ASPHD1: variants seen among roughly 807,000 people sequenced by gnomAD.
ASPHD1 encodes aspartate beta-hydroxylase domain containing 1, also known as aspartate beta-hydroxylase domain-containing protein 1.
A neutral mutation model predicts 28.3 loss-of-function variants in ASPHD1; 20 were observed. The ratio of observed to expected loss-of-function variants is 0.71; its 90% CI spans 0.50 to 1.03. The LOEUF (loss-of-function observed/expected upper bound fraction) is 1.03, where lower values mean the gene tolerates loss of function less well. Ranked by LOEUF, ASPHD1 falls within the 50% of genes least tolerant of loss-of-function variation. The probability of loss-of-function intolerance (pLI) is 0.00; values close to 1 mark genes in which losing one functional copy is unlikely to be tolerated. For missense variants in ASPHD1, 479 were observed against 524.1 expected, an observed-to-expected ratio of 0.91 and a Z score of 0.84; for synonymous variants, 240 against 221.2, an observed-to-expected ratio of 1.08 and a Z score of -0.75.
At chr16:29,903,562 A>G (rs564146413) in intron 1 of ASPHD1, among the ~76,000 whole-genome samples, 20 of 152,154 alleles carry the variant, frequency 1.3e-4, no homozygotes, top group African/African-American at 2.2e-4. Flanking sequence ...TTTGCCCCCA[A>G]TCATCTCCTG....
At chr16:29,908,298 C>T (rs1030009707), downstream of ASPHD1, among the ~76,000 whole-genome samples, 1 of 152,142 alleles carries the variant, frequency 6.6e-6, no homozygotes, top group African/African-American at 2.4e-5. Flanking sequence ...GGGATGAAGT[C>T]GAAGAGGTGA....
At chr16:29,918,204 T>A (rs1278838954) in intron 3 of ASPHD1, among the ~76,000 whole-genome samples, 1 of 152,246 alleles carries the variant, frequency 6.6e-6, no homozygotes, top group East Asian at 1.9e-4. Flanking sequence ...TATCAATTTG[T>A]GTGTCATTGA....
chr16:29,903,515 G>A (rs1333081099), intron 1 of ASPHD1, among the ~76,000 whole-genome samples: 1 of 151,974 alleles, frequency 6.6e-6, no homozygotes, highest in African/African-American at 2.4e-5. Flanking sequence ...AAATGGAAAA[G>A]GAAATAATTT....
In ASPHD1 at chr16:29,905,019, G is replaced by C. The variant is rs982019702; in HGVS notation, c.1063+54G>C. The C allele has an allele frequency of 3.7e-6, 5 of 1,365,272 alleles. No homozygotes were observed. In the South Asian group the frequency reaches 5.9e-5, roughly 16 times the overall value. The allele number at this position is 1,365,272 out of a possible 1,614,324, so 84.6% of individuals were successfully genotyped here. On this transcript the variant is annotated intron_variant, in intron 2 of 2. Transcript: ENST00000308748. Reference sequence around the variant, plus strand: ...ATGAGGGACTCAGGAGCAAAGGAGCGTTGACTAGAAGGCAGCAGAATCAGG... The same window carrying C: ...ATGAGGGACTCAGGAGCAAAGGAGCCTTGACTAGAAGGCAGCAGAATCAGG...
chr16:29,904,282 C>T (rs2068580024), intron 1 of ASPHD1, among the ~76,000 whole-genome samples: 1 of 151,842 alleles, frequency 6.6e-6, no homozygotes, highest in Admixed American at 6.6e-5. Flanking sequence ...CCCATCTCTA[C>T]TAAAAATACA....
chr16:29,903,104 C>A (rs1021513694), intron 1 of ASPHD1, among the ~76,000 whole-genome samples: 1 of 150,944 alleles, frequency 6.6e-6, no homozygotes, highest in Admixed American at 6.6e-5. Context: ...GCCTGTAATC[C>A]CAGCACTTTG....
intron 3 of ASPHD1, chr16:29,915,132 G>A (rs1479586570): frequency 6.6e-6 from 1 of 152,200 alleles, no homozygotes; most frequent in Admixed American, 6.6e-5. Context: ...CTCTCCCTGA[G>A]TCGTCCCACC....
Position 29,900,932 on chromosome 16 carries a change from G to T in ASPHD1, c.-40G>T, listed in dbSNP as rs1412755624. ...AGGAGGAAGAAGAGGTAGAAGGAGA[G>T]AGAAAGGGGAGAGAAAGGAGAGAGG... On this transcript the variant is annotated 5_prime_UTR_variant, in exon 1 of 3. Coordinates refer to ENST00000308748, the MANE Select transcript of ASPHD1 (RefSeq NM_181718.4). The T allele has an allele frequency of 6.5e-7, 1 of 1,529,502 alleles. No homozygotes were observed. The highest frequency in any genetic ancestry group is 8.9e-7 in the Non-Finnish European group (1 of 1,129,046). The allele number at this position is 1,529,502 out of a possible 1,614,324, so 94.7% of individuals were successfully genotyped here.
downstream of ASPHD1, among the ~76,000 whole-genome samples, chr16:29,909,915 C>T (rs2068676192): frequency 6.6e-6 from 1 of 151,644 alleles, no homozygotes. Context: ...AGAGACTTCT[C>T]TACTACATTT....
intron 1 of ASPHD1, among the ~76,000 whole-genome samples, chr16:29,902,386 G>A (rs1397182435): frequency 1.3e-5 from 2 of 152,166 alleles, no homozygotes; most frequent in Non-Finnish European, 2.9e-5. Flanking sequence ...CTGAGATTGT[G>A]CTACTGCACT....
At chr16:29,907,395 G>C (rs1408273995), downstream of ASPHD1, among the ~76,000 whole-genome samples, 1 of 152,190 alleles carries the variant, frequency 6.6e-6, no homozygotes, top group Non-Finnish European at 1.5e-5. Context: ...ACTGCACCAG[G>C]TATTGTTCTA....
At chr16:29,905,018 C>A in intron 2 of ASPHD1, 53 bp downstream of exon 2, 2 of 1,367,252 alleles carry the variant, frequency 1.5e-6, no homozygotes, top group Admixed American at 1.8e-5. Context: ...AGCAAAGGAG[C>A]GTTGACTAGA....
chr16:29,911,171 G>A, intron 3 of ASPHD1: 3 of 1,613,822 alleles, frequency 1.9e-6, no homozygotes, highest in Middle Eastern at 1.7e-4. Context: ...GTCATCTGAA[G>A]TGCTGGGGAC....
downstream of ASPHD1, chr16:29,911,048 C>T (rs1438924885): frequency 6.2e-6 from 10 of 1,614,038 alleles, no homozygotes; most frequent in African/African-American, 2.7e-5. Context: ...GCGGCCCTGC[C>T]CGTAGAAAGA....
intron 1 of ASPHD1, among the ~76,000 whole-genome samples, chr16:29,902,900 T>G (rs2068567181): frequency 6.8e-6 from 1 of 146,878 alleles, no homozygotes; most frequent in South Asian, 2.1e-4. Flanking sequence ...TTTTTTTTTT[T>G]TTTTTGAGAC....
intron 1 of ASPHD1, among the ~76,000 whole-genome samples, chr16:29,903,865 C>T (rs1039609532): frequency 1.2e-4 from 18 of 152,254 alleles, no homozygotes; most frequent in Non-Finnish European, 2.5e-4. Flanking sequence ...TCACAGCACT[C>T]AGCCATGTGG....
In ASPHD1 at chr16:29,905,979, T is replaced by A; in HGVS notation, c.*82T>A. 4 of 734,730 alleles carry A rather than the reference T, an allele frequency of 5.4e-6. No homozygotes were observed. Among genetic ancestry groups the A allele is most frequent in the Non-Finnish European group, 8.8e-6 (4 of 452,662 alleles). The allele number at this position is 734,730 out of a possible 1,614,324, so 45.5% of individuals were successfully genotyped here. A position where few individuals can be genotyped will look rare whatever the true frequency, so the allele number is the denominator to read the frequency against. On this transcript the variant is annotated 3_prime_UTR_variant, in exon 3 of 3. Transcript: ENST00000308748. ...TTGATGGTAGCCAGGACCTCCTCTC[T>A]ACTGCGGGGGTGGGCGGGGGCGGAG...
At chr16:29,911,542 A>T in intron 3 of ASPHD1, 1 of 585,896 alleles carries the variant, frequency 1.7e-6, no homozygotes, top group Admixed American at 3.1e-5. Context: ...CTCAAGGGGG[A>T]GGACTCTGCC....
At chr16:29,919,486 C>T (rs369517897) in intron 3 of ASPHD1, 49 of 152,260 alleles carry the variant, frequency 3.2e-4, no homozygotes, top group African/African-American at 1.1e-3. Context: ...AACATTATTA[C>T]ATGAAACTAT....
Sources: gnomAD v4.1 joint callset for allele counts (sites outside exome capture counted in the v4.1 genomes callset) on GRCh38, gnomAD v4.1.1 for gene constraint, MANE v1.5 for transcripts, NCBI Gene and HGNC (gene_info 2026-07-23, HGNC 2026-07-21) for gene names.